LTBP4: variants seen among roughly 807,000 people sequenced by gnomAD.
The protein encoded by LTBP4 is latent transforming growth factor beta binding protein 4, also known as latent-transforming growth factor beta-binding protein 4.
A neutral mutation model predicts 180.2 loss-of-function variants in LTBP4; 93 were observed. The ratio of observed to expected loss-of-function variants is 0.52; its 90% CI spans 0.44 to 0.61. LTBP4 has a LOEUF of 0.61. LTBP4 is among the 20% of genes least tolerant of loss of function. The pLI is 0.00. For missense variants in LTBP4, 2,116 were observed against 2,256.5 expected, an observed-to-expected ratio of 0.94 and a Z score of 1.26; for synonymous variants, 947 against 934.5, an observed-to-expected ratio of 1.01 and a Z score of -0.24.
intron 24 of LTBP4, 35 bp downstream of exon 24, chr19:40,623,056 C>T (rs1481080738): frequency 3.3e-6 from 5 of 1,527,852 alleles, no homozygotes; most frequent in Non-Finnish European, 3.6e-6. Context: ...CCCCACTCAG[C>T]TCTGAGGCCC....
chr19:40,612,954 GC>G, intron 15 of LTBP4, 110 bp from the exon 16 acceptor site: 1 of 1,102,440 alleles, frequency 9.1e-7, no homozygotes, highest in South Asian at 1.5e-5. Flanking sequence ...CCCTCCCCCA[GC>G]CTCCAACTCA....
intron 1 of LTBP4, among the ~76,000 whole-genome samples, chr19:40,603,225 C>T (rs2081436364): frequency 6.6e-6 from 1 of 152,302 alleles, no homozygotes; most frequent in Middle Eastern, 3.4e-3. Flanking sequence ...ACTTCTGATC[C>T]CATTTATCTT....
rs1238293328 is a variant in LTBP4, at chr19:40,627,634, G to A, written c.4367-71G>A. 12 of 1,509,950 alleles carry A rather than the reference G, an allele frequency of 7.9e-6. No individual in the cohort carries two copies. In the East Asian group the frequency reaches 9.8e-5, roughly 12 times the overall value. 93.5% of individuals were successfully genotyped at this position (1,509,950 alleles called of 1,614,324 possible). On this transcript the variant is annotated intron_variant, in intron 28 of 29. Coordinates refer to ENST00000396819, the MANE Select transcript of LTBP4 (RefSeq NM_001042545.2). ...CAGCGAGAAAGATGGAGCCAAGGAC[G>A]CGCACCCACCGTTGTGGGTAAGGGG... is the stretch of plus-strand genomic sequence containing the variant.
chr19:40,622,631 G>C lies in LTBP4; in HGVS notation c.3448G>C (p.Gly1150Arg). 1 of 1,608,946 alleles carries C rather than the reference G, an allele frequency of 6.2e-7. No homozygotes were observed. The highest frequency in any genetic ancestry group is 8.5e-7 in the Non-Finnish European group (1 of 1,177,564). ...CCTVGEGWGS[G>R]CRIQQCPGTE... ...TACTGTGGGTGAGGGCTGGGGCAGC[G>C]GCTGCCGCATCCAGCAGTGCCCGGG... The change falls in exon 23 of 30, where the codon GGC becomes CGC. Residue 1150 changes from glycine (G) to arginine (R), a missense_variant. By Grantham distance (125) the Gly-to-Arg change is moderately radical. Coordinates refer to ENST00000396819, the MANE Select transcript of LTBP4 (RefSeq NM_001042545.2). This position sits in a 1 kb window ranked among gnomAD's most constrained non-coding sequence, Gnocchi z 5.1.
At chr19:40,618,265 T>C (rs1292264049) in intron 21 of LTBP4, among the ~76,000 whole-genome samples, 1 of 151,736 alleles carries the variant, frequency 6.6e-6, no homozygotes, top group Admixed American at 6.6e-5. Context: ...ATGAGTTTTT[T>C]TTTTTTTTTT....
chr19:40,600,771 T>C (rs942736044), upstream of LTBP4, among the ~76,000 whole-genome samples: 6 of 152,114 alleles, frequency 3.9e-5, no homozygotes, highest in Non-Finnish European at 5.9e-5. The surrounding 1 kb of genome is among the most constrained non-coding windows in gnomAD (Gnocchi z 4.4). Context: ...TTATCCATTG[T>C]GACTTCTCCC....
At chr19:40,625,210 G>A (rs966515372) in intron 26 of LTBP4, among the ~76,000 whole-genome samples, 12 of 132,338 alleles carry the variant, frequency 9.1e-5, no homozygotes, top group Non-Finnish European at 1.8e-4. Context: ...GCAGTAGCTG[G>A]GAGTCCAGGA....
rs924988614 is a variant in LTBP4, at chr19:40,605,379, C to T, written c.443-26C>T. ...CCCCGTAAGAACCCGTGTAGACATCCGTTTGCCCGGCCGTGCCTCCCCTAG... is the reference window on the plus strand; with the variant it reads ...CCCCGTAAGAACCCGTGTAGACATCTGTTTGCCCGGCCGTGCCTCCCCTAG... On this transcript the variant is annotated intron_variant, in intron 2 of 29. Transcript: ENST00000396819. The surrounding 1 kb of genome is among the most constrained non-coding windows in gnomAD (Gnocchi z 5.5). 3.1e-5 allele frequency: 50 copies of T among 1,611,092 alleles called. No individual in the cohort carries two copies. Among genetic ancestry groups the T allele is most frequent in the Non-Finnish European group, 4.1e-5 (48 of 1,178,740 alleles).
At position 40,593,237 on chromosome 19, in the gene LTBP4, TTTTGTTTTTGTTTG is replaced by T. The variant is rs1424312661; in HGVS notation, c.16+67_16+80del. ...AATAGCTGTGCACCTCAAACCCTAA[TTTTGTTTTTGTTTG>T]TTTGTTTTTGAGACAGGGTCTTGCT... On this transcript the variant is annotated intron_variant, in intron 1 of 32. Coordinates refer to the LTBP4 transcript ENST00000204005. 4 of 1,604,810 alleles carry T rather than the reference TTTTGTTTTTGTTTG, an allele frequency of 2.5e-6. No individual in the cohort carries two copies. The East Asian group carries it at 8.9e-5, about 36-fold the overall frequency.
upstream of LTBP4, chr19:40,600,152 G>A (rs747877844): frequency 4.3e-5 from 54 of 1,255,662 alleles, 1 homozygote; most frequent in Middle Eastern, 4.5e-4. The surrounding 1 kb of genome is among the most constrained non-coding windows in gnomAD (Gnocchi z 4.4). Flanking sequence ...GGCCCCCACA[G>A]CGTGCCCCCG....
In LTBP4 at chr19:40,614,402, A is replaced by C; in HGVS notation, c.2768A>C (p.Asp923Ala). ...NSPGSYRCVR[D>A]CDPGYHAGPE... is the part of the protein sequence containing the mutation. ...CCCGGCTCCTACCGCTGTGTCCGGG[A>C]CTGCGATCCTGGGTACCACGCGGGC... Residue 923 changes from aspartate (D) to alanine (A), a missense_variant, in exon 19 of 30, where the codon GAC (aspartate) becomes GCC (alanine). By Grantham distance (126) the Asp-to-Ala change is moderately radical. Transcript: ENST00000396819. The C allele has an allele frequency of 6.3e-7, 1 of 1,599,924 alleles. No individual in the cohort carries two copies. Among genetic ancestry groups the C allele is most frequent in the Non-Finnish European group, 8.5e-7 (1 of 1,179,752 alleles).
At chr19:40,604,582 G>T (rs973225512) in intron 1 of LTBP4, among the ~76,000 whole-genome samples, 1 of 152,132 alleles carries the variant, frequency 6.6e-6, no homozygotes, top group Non-Finnish European at 1.5e-5. Context: ...CTGGGCTCAC[G>T]CCTGTAATCC....
At chr19:40,600,295 C>T (rs983191138), upstream of LTBP4, 5 of 435,726 alleles carry the variant, frequency 1.1e-5, no homozygotes, top group East Asian at 1.4e-4. This position sits in a 1 kb window ranked among gnomAD's most constrained non-coding sequence, Gnocchi z 4.4. Flanking sequence ...TCAGCACCCA[C>T]CCCCAGGACG....
At chr19:40,625,610 C>T (rs1307754353) in intron 26 of LTBP4, among the ~76,000 whole-genome samples, 1 of 152,122 alleles carries the variant, frequency 6.6e-6, no homozygotes, top group Non-Finnish European at 1.5e-5. Context: ...GGGTAGACCC[C>T]TCTCAGGCCC....
intron 22 of LTBP4, among the ~76,000 whole-genome samples, chr19:40,619,868 G>A (rs1368568517): frequency 1.3e-5 from 2 of 152,198 alleles, no homozygotes; most frequent in Non-Finnish European, 2.9e-5. Context: ...ACTGTGACGG[G>A]GAAAGCCCAG....
At position 40,619,390 on chromosome 19, in the gene LTBP4, C is replaced by T. The variant is rs374854497; in HGVS notation, c.3114C>T (p.Ala1038=). ...CETLQGVCGA[A]LCENVEGSFL... ...CACTACAGGGTGTATGTGGAGCTGC[C>T]CTGTGTGAAAATGTCGAAGGCTCCT... Residue 1038 remains alanine, a synonymous_variant, in exon 22 of 30, where the codon GCC becomes GCT. Coordinates refer to ENST00000396819, the MANE Select transcript of LTBP4 (RefSeq NM_001042545.2). The T allele has an allele frequency of 6.2e-7, 1 of 1,613,796 alleles. No homozygotes were observed. The highest frequency in any genetic ancestry group is 1.7e-5 in the Admixed American group (1 of 59,996).
At chr19:40,599,258 G>A, upstream of LTBP4, 3 of 1,613,780 alleles carry the variant, frequency 1.9e-6, no homozygotes, top group Non-Finnish European at 2.5e-6. Flanking sequence ...CATCCGAGGT[G>A]GGTTCTGGAA....
In LTBP4 at chr19:40,613,060, C is replaced by T. The variant is rs760436315; in HGVS notation, c.2300-5C>T. ...ACCCTTTCTGAACACCCCCACCCCCCACAGATGTGGACGAATGCAGTTCGG... is the reference window on the plus strand; with the variant it reads ...ACCCTTTCTGAACACCCCCACCCCCTACAGATGTGGACGAATGCAGTTCGG... On this transcript the variant is annotated splice_region_variant and splice_polypyrimidine_tract_variant and intron_variant, in intron 15 of 29. Coordinates refer to ENST00000396819, the MANE Select transcript of LTBP4 (RefSeq NM_001042545.2). The surrounding 1 kb of genome is among the most constrained non-coding windows in gnomAD (Gnocchi z 5.0). The T allele has an allele frequency of 1.9e-6, 3 of 1,611,700 alleles. No individual in the cohort carries two copies. The highest frequency in any genetic ancestry group is 3.3e-5 in the Admixed American group (2 of 59,768).
chr19:40,605,018 C>A lies in LTBP4; in HGVS notation c.251-17C>A, dbSNP rs1026114329. The A allele has an allele frequency of 4.4e-6, 7 of 1,597,688 alleles. No individual in the cohort carries two copies. The highest frequency in any genetic ancestry group is 6.0e-6 in the Non-Finnish European group (7 of 1,168,914). On this transcript the variant is annotated splice_polypyrimidine_tract_variant and intron_variant, in intron 1 of 29. Coordinates refer to ENST00000396819, the MANE Select transcript of LTBP4 (RefSeq NM_001042545.2). This position sits in a 1 kb window ranked among gnomAD's most constrained non-coding sequence, Gnocchi z 5.5. The stretch of plus-strand genomic sequence containing the variant: ...CAGGAATGGTGGCGCCCCTGAGTGT[C>A]CTCGTTCTCCTCCCAGTCCTGTGTC...
Sources: gnomAD v4.1 joint callset for allele counts (sites outside exome capture counted in the v4.1 genomes callset) on GRCh38, gnomAD v4.1.1 for gene constraint, Gnocchi (gnomAD v3.1) non-coding constraint, MANE v1.5 for transcripts, NCBI Gene and HGNC (gene_info 2026-07-23, HGNC 2026-07-21) for gene names.